CNTN4: variants seen among roughly 807,000 people sequenced by gnomAD.
CNTN4 encodes the protein contactin-4.
In CNTN4, 77 loss-of-function variants were observed where a neutral mutation model predicts 122.5. The observed-to-expected ratio is 0.63, with a 90% CI of 0.52 to 0.76. The LOEUF is 0.76. Among genes scored for constraint, CNTN4 ranks in the 30% least tolerant of loss-of-function variants. CNTN4 has a pLI of 0.00. For missense variants in CNTN4, 1,256 were observed against 1,259.1 expected (o/e 1.00, Z 0.04); for synonymous variants, 512 against 447.0 (o/e 1.15, Z -1.83).
chr3:2,630,911 A>G (rs2082403788), intron 4 of CNTN4, among the ~76,000 whole-genome samples: 1 of 152,182 alleles, frequency 6.6e-6, no homozygotes, highest in Admixed American at 6.5e-5. Flanking sequence ...TTTTCAGTTC[A>G]TTCAAAATGT....
chr3:2,352,291 C>T (rs983216451), intron 3 of CNTN4, among the ~76,000 whole-genome samples: 1 of 152,182 alleles, frequency 6.6e-6, no homozygotes, highest in Non-Finnish European at 1.5e-5. Flanking sequence ...TCCACTCTGG[C>T]CGCACTTGAG....
chr3:2,850,415 G>A (rs1172164453), intron 7 of CNTN4, among the ~76,000 whole-genome samples: 1 of 152,134 alleles, frequency 6.6e-6, no homozygotes, highest in Non-Finnish European at 1.5e-5. Flanking sequence ...TGACAGTAAT[G>A]ATCTCATGTA....
intron 2 of CNTN4, among the ~76,000 whole-genome samples, chr3:2,274,157 C>A (rs1296750258): frequency 6.6e-6 from 1 of 152,012 alleles, no homozygotes; most frequent in Non-Finnish European, 1.5e-5. Context: ...CCGAGGCAGA[C>A]AAATCACTTG....
intron 2 of CNTN4, among the ~76,000 whole-genome samples, chr3:2,329,587 GC>G (rs2150282735): frequency 6.6e-6 from 1 of 152,264 alleles, no homozygotes; most frequent in South Asian, 2.1e-4. Context: ...CAGGAATGAG[GC>G]CCACTACAGT....
At chr3:2,998,838 CAG>C (rs1695774989) in intron 14 of CNTN4, among the ~76,000 whole-genome samples, 1 of 152,140 alleles carries the variant, frequency 6.6e-6, no homozygotes, top group Admixed American at 6.6e-5. Context: ...GGAAATAAAA[CAG>C]ATTTCATGAA....
intron 3 of CNTN4, among the ~76,000 whole-genome samples, chr3:2,446,315 C>G (rs1321821220): frequency 6.6e-6 from 1 of 150,440 alleles, no homozygotes; most frequent in East Asian, 2.0e-4. Context: ...GCGTACCCAA[C>G]TAGACTGCAG....
At chr3:2,739,353 A>G (rs1318535359) in intron 5 of CNTN4, among the ~76,000 whole-genome samples, 1 of 152,018 alleles carries the variant, frequency 6.6e-6, no homozygotes, top group East Asian at 1.9e-4. Context: ...AGGTGCACGT[A>G]CTCTATGATC....
At chr3:2,725,815 C>CAG (rs1244619743) in intron 4 of CNTN4, among the ~76,000 whole-genome samples, 1 of 152,096 alleles carries the variant, frequency 6.6e-6, no homozygotes, top group Non-Finnish European at 1.5e-5. Flanking sequence ...CACACACACA[C>CAG]AAGTACATTT....
At chr3:2,762,937 CTTTTTT>C (rs529635016) in intron 6 of CNTN4, among the ~76,000 whole-genome samples, 4 of 96,442 alleles carry the variant, frequency 4.1e-5, no homozygotes, top group Non-Finnish European at 6.2e-5. Flanking sequence ...TGATGTCAAG[CTTTTTT>C]TTTTTTTTTT....
intron 4 of CNTN4, among the ~76,000 whole-genome samples, chr3:2,727,830 G>A (rs938692546): frequency 2.6e-5 from 4 of 152,126 alleles, no homozygotes; most frequent in African/African-American, 7.2e-5. Context: ...ACCAGCTGTC[G>A]GTAGACTTCT....
intron 2 of CNTN4, among the ~76,000 whole-genome samples, chr3:2,180,750 C>A (rs1004287876): frequency 1.3e-5 from 2 of 152,084 alleles, no homozygotes; most frequent in African/African-American, 4.8e-5. Flanking sequence ...TACAGAAAGC[C>A]TACCTTTGGG....
chr3:2,184,315 C>T (rs184377992), intron 2 of CNTN4, among the ~76,000 whole-genome samples: 154 of 152,130 alleles, frequency 1.0e-3, no homozygotes, highest in African/African-American at 3.4e-3. Flanking sequence ...AACTTCCCTT[C>T]CAGGAAGGGA....
chr3:2,463,073 G>A (rs900097877), intron 3 of CNTN4, among the ~76,000 whole-genome samples: 5 of 152,182 alleles, frequency 3.3e-5, no homozygotes, highest in East Asian at 1.9e-4. Flanking sequence ...GTTGTTGGAC[G>A]CGGTGTCTTT....
At chr3:2,918,932 G>T (rs1208453577) in intron 12 of CNTN4, among the ~76,000 whole-genome samples, 2 of 152,156 alleles carry the variant, frequency 1.3e-5, no homozygotes, top group Non-Finnish European at 2.9e-5. Flanking sequence ...CTGAATCCCT[G>T]ATTTCTTTCC....
chr3:2,465,380 A>G (rs949217266), intron 3 of CNTN4, among the ~76,000 whole-genome samples: 6 of 152,274 alleles, frequency 3.9e-5, no homozygotes, highest in Non-Finnish European at 7.4e-5. Flanking sequence ...CGGTCTCTTA[A>G]AAAATAAAAA....
intron 3 of CNTN4, among the ~76,000 whole-genome samples, chr3:2,443,857 A>T (rs1276190971): frequency 6.6e-6 from 1 of 152,044 alleles, no homozygotes. Flanking sequence ...TTTACTATCC[A>T]GCTGATTTTG....
At chr3:2,751,755 C>G (rs2090103932) in intron 6 of CNTN4, among the ~76,000 whole-genome samples, 2 of 151,986 alleles carry the variant, frequency 1.3e-5, no homozygotes, top group African/African-American at 4.8e-5. Flanking sequence ...AACACAGCAA[C>G]TTTTCTCTGT....
At chr3:2,803,296 G>A (rs537239864) in intron 6 of CNTN4, among the ~76,000 whole-genome samples, 52 of 152,274 alleles carry the variant, frequency 3.4e-4, no homozygotes, top group Admixed American at 1.4e-3. Flanking sequence ...GGAACAACAG[G>A]AATTCTCATT....
intron 4 of CNTN4, among the ~76,000 whole-genome samples, chr3:2,572,724 C>T (rs576029558): frequency 1.3e-5 from 2 of 152,246 alleles, no homozygotes; most frequent in African/African-American, 2.4e-5. Context: ...TACTGAGTAC[C>T]GTGTCACAAG....
Sources: allele counts gnomAD v4.1 joint callset (sites outside exome capture counted in the v4.1 genomes callset), GRCh38; gene constraint gnomAD v4.1.1; transcripts MANE v1.5; gene names NCBI Gene and HGNC (gene_info 2026-07-23, HGNC 2026-07-21).